Variants in SLC12A6 observed in about 807,000 individuals in gnomAD.
The protein encoded by SLC12A6 is K-Cl cotransporter 3.
Under a neutral mutation model 135.3 loss-of-function variants are expected in SLC12A6, and 66 were observed. The ratio of observed to expected loss-of-function variants is 0.49; its 90% CI spans 0.40 to 0.60. SLC12A6 has a LOEUF of 0.60. Ranked by LOEUF, SLC12A6 falls within the 20% of genes least tolerant of loss-of-function variation. The pLI is 0.00. For synonymous variants in SLC12A6, 513 were observed against 508.8 expected (o/e 1.01, Z -0.11); for missense variants, 1,058 against 1,452.3 (o/e 0.73, Z 4.41).
At chr15:34,323,139 A>ATT (rs1889232651) in intron 2 of SLC12A6, among the ~76,000 whole-genome samples, 1 of 152,148 alleles carries the variant, frequency 6.6e-6, no homozygotes, top group Non-Finnish European at 1.5e-5. Flanking sequence ...GACAAAGGAG[A>ATT]TCTGTATCTA....
At chr15:34,323,939 T>TAAAAAAAAAAAAAAAAAAA (rs1555391226) in intron 2 of SLC12A6, among the ~76,000 whole-genome samples, 7 of 103,588 alleles carry the variant, frequency 6.8e-5, no homozygotes, top group East Asian at 4.3e-4. Context: ...AGATCTTGTC[T>TAAAAAAAAAAAAAAAAAAA]CAAAAAAAAA....
In SLC12A6 at chr15:34,232,960, G is replaced by A. The variant is rs1397104609; in HGVS notation, c.*921C>T. ...GCTTAATAAGAGGGCATAAAAAAAGGCGCGGGGGTGGGGGCGGGGGGAGAA... is the reference window on the plus strand; with the variant it reads ...GCTTAATAAGAGGGCATAAAAAAAGACGCGGGGGTGGGGGCGGGGGGAGAA... On this transcript the variant is annotated 3_prime_UTR_variant, in exon 26 of 26. Coordinates refer to ENST00000354181, the MANE Select transcript of SLC12A6 (RefSeq NM_001365088.1). 3 of 150,384 alleles carry A rather than the reference G, an allele frequency of 2.0e-5. No homozygotes were observed. The highest frequency in any genetic ancestry group is 4.4e-5 in the Non-Finnish European group (3 of 67,702). 9.3% of individuals were successfully genotyped at this position (150,384 alleles called of 1,614,324 possible).
intron 2 of SLC12A6, among the ~76,000 whole-genome samples, chr15:34,311,014 T>C (rs1033957200): frequency 5.3e-5 from 8 of 152,186 alleles, no homozygotes; most frequent in Non-Finnish European, 1.2e-4. Context: ...TTAAACCTCA[T>C]TTAATAGAAA....
chr15:34,260,823 A>G (rs971785527), intron 4 of SLC12A6, 103 bp downstream of exon 4: 12 of 695,964 alleles, frequency 1.7e-5, no homozygotes, highest in Non-Finnish European at 2.9e-5. Flanking sequence ...TTAACATTAA[A>G]TTATCCAGCT....
intron 24 of SLC12A6, 68 bp downstream of exon 24, chr15:34,235,947 C>T: frequency 3.3e-6 from 4 of 1,219,650 alleles, no homozygotes; most frequent in Non-Finnish European, 4.9e-6. Flanking sequence ...CCTGTGTGTC[C>T]AGGCAAAGTC....
At chr15:34,256,171 T>G in intron 7 of SLC12A6, 58 bp downstream of exon 7, 2 of 1,088,222 alleles carry the variant, frequency 1.8e-6, no homozygotes, top group Non-Finnish European at 2.9e-6. Flanking sequence ...TCTAGCTTTA[T>G]AGCATAAACA....
At chr15:34,330,697 A>C (rs1365490021) in intron 2 of SLC12A6, among the ~76,000 whole-genome samples, 1 of 152,022 alleles carries the variant, frequency 6.6e-6, no homozygotes, top group African/African-American at 2.4e-5. Flanking sequence ...AACAAAAAAA[A>C]CAAAACTATC....
chr15:34,257,478 A>C lies in SLC12A6; in HGVS notation c.690+164T>G, dbSNP rs1028655868. 4.6e-6 allele frequency: 3 copies of C among 656,556 alleles called. No individual in the cohort carries two copies. In the African/African-American group the frequency reaches 5.4e-5, roughly 12 times the overall value. The allele number at this position is 656,556 out of a possible 1,614,324, so 40.7% of individuals were successfully genotyped here. On this transcript the variant is annotated intron_variant, in intron 6 of 25. Transcript: ENST00000354181. ...GCAAGCAGTGACTAACAGGCACTGA[A>C]TAACTGAAAATCCTTTAGATTTTAA...
Position 34,302,768 on chromosome 15 carries a change from C to T in SLC12A6, c.272-27379G>A, listed in dbSNP as rs138606588. ...GAGTTCAAGACCAGCCTGGGCAACACAGGGAGATTTGTCTCTACAAAAAAA... is the reference window on the plus strand; with the variant it reads ...GAGTTCAAGACCAGCCTGGGCAACATAGGGAGATTTGTCTCTACAAAAAAA... On this transcript the variant is annotated intron_variant, in intron 2 of 25. Transcript: ENST00000354181. 7.3e-5 allele frequency among the ~76,000 whole-genome samples: 11 copies of T among 151,670 alleles called. No homozygotes were observed. In the East Asian group the frequency reaches 2.1e-3, roughly 30 times the overall value.
intron 25 of SLC12A6, among the ~76,000 whole-genome samples, 196 bp from the exon 26 acceptor site, chr15:34,234,168 C>T (rs1486075044): frequency 6.6e-6 from 1 of 152,082 alleles, no homozygotes; most frequent in African/African-American, 2.4e-5. Context: ...ATACATAATA[C>T]CAGACTCCCA....
At chr15:34,260,521 G>A (rs530513030) in intron 4 of SLC12A6, among the ~76,000 whole-genome samples, 82 of 152,344 alleles carry the variant, frequency 5.4e-4, no homozygotes, top group African/African-American at 1.9e-3. Context: ...GCCTCCCAAA[G>A]TGCTGGGATT....
intron 3 of SLC12A6, among the ~76,000 whole-genome samples, chr15:34,264,176 C>T (rs543370551): frequency 1.3e-5 from 2 of 152,144 alleles, no homozygotes; most frequent in South Asian, 2.1e-4. Flanking sequence ...ATTTAGGCAA[C>T]GATAATCAAT....
intron 2 of SLC12A6, among the ~76,000 whole-genome samples, chr15:34,335,689 A>G (rs1890151459): frequency 6.6e-6 from 1 of 152,232 alleles, no homozygotes; most frequent in Admixed American, 6.5e-5. Context: ...AAACTGGTTT[A>G]GGAAGCTAAA....
chr15:34,250,504 G>C, intron 12 of SLC12A6, 127 bp downstream of exon 12: 2 of 827,880 alleles, frequency 2.4e-6, no homozygotes, highest in South Asian at 2.7e-5. Context: ...GAGGTAGGCA[G>C]ATAATCTGGC....
chr15:34,296,026 A>G (rs1895857513), intron 2 of SLC12A6, among the ~76,000 whole-genome samples: 1 of 152,210 alleles, frequency 6.6e-6, no homozygotes, highest in African/African-American at 2.4e-5. Flanking sequence ...CACAGTTTGG[A>G]ATGTTGTGAT....
chr15:34,246,531 T>C (rs755588598), intron 13 of SLC12A6, among the ~76,000 whole-genome samples: 4 of 152,208 alleles, frequency 2.6e-5, no homozygotes, highest in Non-Finnish European at 5.9e-5. Context: ...TTGAATAATA[T>C]TGCATCACAA....
intron 11 of SLC12A6, 30 bp from the exon 12 acceptor site, chr15:34,250,759 T>C: frequency 6.9e-7 from 1 of 1,442,012 alleles, no homozygotes; most frequent in Non-Finnish European, 9.8e-7. Context: ...AAAACCAAGT[T>C]AACTTCTTGG....
chr15:34,243,156 TGC>T (rs1891764867), intron 16 of SLC12A6, among the ~76,000 whole-genome samples: 1 of 151,870 alleles, frequency 6.6e-6, no homozygotes, highest in Non-Finnish European at 1.5e-5. Context: ...CCTCCCAAAG[TGC>T]TGGGATTACA....
At chr15:34,235,068 T>C (rs1891162871) in intron 25 of SLC12A6, 113 bp downstream of exon 25, 1 of 1,021,220 alleles carries the variant, frequency 9.8e-7, no homozygotes, top group Admixed American at 1.7e-5. Context: ...AAGTCTCCCT[T>C]CCTTAAAGAG....
Sources: allele counts gnomAD v4.1 joint callset (sites outside exome capture counted in the v4.1 genomes callset), GRCh38; gene constraint gnomAD v4.1.1; transcripts MANE v1.5; gene names NCBI Gene and HGNC (gene_info 2026-07-23, HGNC 2026-07-21).